The following PCDHGA4 variants were observed in gnomAD, a reference collection of about 807,000 sequenced individuals.
PCDHGA4 encodes the protein protocadherin gamma-A4.
Under a neutral mutation model 54.6 loss-of-function variants are expected in PCDHGA4, and 38 were observed. The ratio of observed to expected loss-of-function variants is 0.70; its 90% CI spans 0.54 to 0.91. The LOEUF (loss-of-function observed/expected upper bound fraction) is 0.91. Ranked by LOEUF, PCDHGA4 falls within the 40% of genes least tolerant of loss-of-function variation. PCDHGA4 has a pLI of 0.00. For missense variants in PCDHGA4, 1,298 were observed against 1,220.9 expected (o/e 1.06, Z -0.94); for synonymous variants, 511 against 512.9 (o/e 1.00, Z 0.05).
rs370284141 is a variant in PCDHGA4, at chr5:141,421,654, G to A, written c.2514+64033G>A. On this transcript the variant is annotated intron_variant, in intron 1 of 3. Coordinates refer to ENST00000571252, the MANE Select transcript of PCDHGA4 (RefSeq NM_018917.4). ...CCAGGAGGACGAAGTGGAGATAAAA[G>A]TCAGTGAGCACGCAATTCCTGGGGC... The A allele has an allele frequency of 3.5e-5, 57 of 1,613,746 alleles. No individual in the cohort carries two copies. Among genetic ancestry groups the A allele is most frequent in the Admixed American group, 5.0e-5 (3 of 59,974 alleles).
At chr5:141,361,578 G>T in intron 1 of PCDHGA4, 3 of 1,614,036 alleles carry the variant, frequency 1.9e-6, no homozygotes, top group Non-Finnish European at 2.5e-6. Context: ...ACCCTGACTT[G>T]GGCCCCAGTG....
At chr5:141,421,351 A>G in intron 1 of PCDHGA4, 2 of 1,613,988 alleles carry the variant, frequency 1.2e-6, no homozygotes, top group Non-Finnish European at 1.7e-6. Flanking sequence ...AGAGACCGAA[A>G]AGGGCTCCTT....
intron 1 of PCDHGA4, chr5:141,388,302 C>G: frequency 6.2e-7 from 1 of 1,613,700 alleles, no homozygotes; most frequent in Non-Finnish European, 8.5e-7. Context: ...TTCCTTTGAG[C>G]TGCAAATAAG....
At chr5:141,421,184 C>T (rs2096551183) in intron 1 of PCDHGA4, 4 of 1,457,822 alleles carry the variant, frequency 2.7e-6, no homozygotes, top group Non-Finnish European at 3.7e-6. Context: ...CGATTCACAA[C>T]CAACCAGCTC....
At chr5:141,376,460 A>G (rs1437479138) in intron 1 of PCDHGA4, 3 of 1,614,038 alleles carry the variant, frequency 1.9e-6, no homozygotes, top group Non-Finnish European at 2.5e-6. Context: ...GCCTCTTCTG[A>G]TAACTCAGGA....
chr5:141,387,765 T>C, intron 1 of PCDHGA4: 1 of 1,431,622 alleles, frequency 7.0e-7, no homozygotes, highest in East Asian at 2.5e-5. Flanking sequence ...AAAAGAAGAA[T>C]TTTTTCTTGA....
intron 1 of PCDHGA4, chr5:141,375,215 C>T: frequency 1.2e-6 from 2 of 1,614,004 alleles, no homozygotes; most frequent in Non-Finnish European, 1.7e-6. Flanking sequence ...AGACTCTGGC[C>T]TGAATGGCCT....
In PCDHGA4 at chr5:141,485,636, G is replaced by A. The variant is rs371040974; in HGVS notation, c.2515-9171G>A. The A allele has an allele frequency of 6.2e-7, 1 of 1,611,922 alleles. No homozygotes were observed. The highest frequency in any genetic ancestry group is 1.1e-5 in the South Asian group (1 of 90,964). On this transcript the variant is annotated intron_variant, in intron 1 of 3. Transcript: ENST00000571252. This position sits in a 1 kb window ranked among gnomAD's most constrained non-coding sequence, Gnocchi z 5.7. ...TCCTCCAGGACAGCGTTTCCCGTTG[G>A]AAAAGGCTCAGGATGCAGATGTGGG...
rs565813908 is a variant in PCDHGA4 at position 141,503,968 on chromosome 5, G to A, written c.2574-1425G>A. Among the ~76,000 whole-genome samples, 14 of 152,182 alleles carry A rather than the reference G, an allele frequency of 9.2e-5. No homozygotes were observed. The South Asian group carries it at 2.7e-3, about 29-fold the overall frequency. ...GGCCTACCCTACAGCCTTTCCCATG[G>A]TGCCAAACCCTTCTTCTTACCTTAC... On this transcript the variant is annotated intron_variant, in intron 2 of 3. Transcript: ENST00000571252.
intron 1 of PCDHGA4, chr5:141,392,777 A>T (rs1226924811): frequency 6.5e-7 from 1 of 1,529,322 alleles, no homozygotes; most frequent in Admixed American, 2.2e-5. Context: ...ATTTATGCAC[A>T]GTGAAGATTC....
Position 141,512,738 on chromosome 5 carries a change from C to A in PCDHGA4, c.*1565C>A, listed in dbSNP as rs1350606944. 2 of 152,840 alleles carry A rather than the reference C, an allele frequency of 1.3e-5. No individual in the cohort carries two copies. The highest frequency in any genetic ancestry group is 2.1e-4 in the South Asian group (1 of 4,838). The allele number at this position is 152,840 out of a possible 1,614,324, so 9.5% of individuals were successfully genotyped here. A position where few individuals can be genotyped will look rare whatever the true frequency, so the allele number is the denominator to read the frequency against. On this transcript the variant is annotated 3_prime_UTR_variant, in exon 4 of 4. Transcript: ENST00000571252. ...TGGCGGGTGGGCAGCGGGCGGCGGG[C>A]TCCGCGCAGCCGTCTGTCCTTGATC...
chr5:141,360,228 C>T, intron 1 of PCDHGA4: 1 of 1,613,842 alleles, frequency 6.2e-7, no homozygotes, highest in African/African-American at 1.3e-5. Context: ...CTCTCCCAGT[C>T]CAGATCCGCT....
rs980172909 is a variant in PCDHGA4, at chr5:141,485,917, G to A, written c.2515-8890G>A. On this transcript the variant is annotated intron_variant, in intron 1 of 3. Transcript: ENST00000571252. The surrounding 1 kb of genome is among the most constrained non-coding windows in gnomAD (Gnocchi z 5.7). ...CAGCCTTCCAGCAATCCAGCTACAGGATTAGTGTGTTGGAGAGCGCACCAG... is the reference window on the plus strand; with the variant it reads ...CAGCCTTCCAGCAATCCAGCTACAGAATTAGTGTGTTGGAGAGCGCACCAG... The A allele has an allele frequency of 2.6e-5, 42 of 1,614,078 alleles. No homozygotes were observed. Among genetic ancestry groups the A allele is most frequent in the Non-Finnish European group, 3.5e-5 (41 of 1,180,050 alleles).
Position 141,476,735 on chromosome 5 carries a change from G to C in PCDHGA4, c.2515-18072G>C, listed in dbSNP as rs1267556668. The C allele has an allele frequency of 6.2e-7, 1 of 1,613,974 alleles. No individual in the cohort carries two copies. Among genetic ancestry groups the C allele is most frequent in the African/African-American group, 1.3e-5 (1 of 74,940 alleles). On this transcript the variant is annotated intron_variant, in intron 1 of 3. Coordinates refer to ENST00000571252, the MANE Select transcript of PCDHGA4 (RefSeq NM_018917.4). This position sits in a 1 kb window ranked among gnomAD's most constrained non-coding sequence, Gnocchi z 7.6. ...GGAGCGCGCCCTGGACCGAGAACGG[G>C]AGCCTAGTCTCCAGTTAGTGCTGAC...
intron 1 of PCDHGA4, among the ~76,000 whole-genome samples, chr5:141,438,370 A>G (rs2097956460): frequency 1.3e-5 from 2 of 152,004 alleles, no homozygotes; most frequent in South Asian, 4.2e-4. Context: ...CATTGAGGGC[A>G]GATATAATTT....
chr5:141,484,864 A>G, intron 1 of PCDHGA4: 1 of 263,722 alleles, frequency 3.8e-6, no homozygotes, highest in Non-Finnish European at 7.2e-6. Context: ...GGGGTGGGGG[A>G]GCGTGGAGGA....
In PCDHGA4 at chr5:141,382,874, G is replaced by T. The variant is rs369372304; in HGVS notation, c.2514+25253G>T. On this transcript the variant is annotated intron_variant, in intron 1 of 3. Coordinates refer to ENST00000571252, the MANE Select transcript of PCDHGA4 (RefSeq NM_018917.4). ...TTCTGAAGCACTTCCCGAGATCGGC[G>T]CCTAAGCAAGAGAAGCAGGACGACT... 2.9e-4 allele frequency: 441 copies of T among 1,522,954 alleles called. 1 individual carries two copies. The highest frequency in any genetic ancestry group is 3.8e-4 in the Non-Finnish European group (430 of 1,137,240). 94.3% of individuals were successfully genotyped at this position (1,522,954 alleles called of 1,614,324 possible).
chr5:141,388,032 C>T (rs747852798), intron 1 of PCDHGA4: 3 of 1,431,396 alleles, frequency 2.1e-6, no homozygotes, highest in Non-Finnish European at 1.9e-6. Flanking sequence ...AGTGGGGAAC[C>T]TCGCCACGGA....
rs73794918 is a variant in PCDHGA4, at chr5:141,443,711, A to G, written c.2515-51096A>G. On this transcript the variant is annotated intron_variant, in intron 1 of 3. Coordinates refer to ENST00000571252, the MANE Select transcript of PCDHGA4 (RefSeq NM_018917.4). ...TCAAAAATTATAGAATAACATTTGC[A>G]TATAAAATTCCTCATACATTTCCCT... 9.8e-3 allele frequency among the ~76,000 whole-genome samples: 1,497 copies of G among 152,340 alleles called. 25 individuals are homozygous for G. Among genetic ancestry groups the G allele is most frequent in the African/African-American group, 0.033 (1,382 of 41,580 alleles).
Sources: gnomAD v4.1 joint callset for allele counts (sites outside exome capture counted in the v4.1 genomes callset) on GRCh38, gnomAD v4.1.1 for gene constraint, Gnocchi (gnomAD v3.1) non-coding constraint, MANE v1.5 for transcripts, NCBI Gene and HGNC (gene_info 2026-07-23, HGNC 2026-07-21) for gene names.